The following NEGR1 variants were observed in gnomAD, a reference collection of about 807,000 sequenced individuals.
NEGR1 encodes IgLON family member 4.
Under a neutral mutation model 40.9 loss-of-function variants are expected in NEGR1, and 10 were observed. That is an observed-to-expected ratio of 0.24 (90% CI 0.15 to 0.42). The LOEUF is 0.42. Ranked by LOEUF, NEGR1 falls within the 10% of genes least tolerant of loss-of-function variation. NEGR1 has a pLI of 1.00. For synonymous variants in NEGR1, 185 were observed against 166.8 expected (o/e 1.11, Z -0.84); for missense variants, 352 against 438.9 (o/e 0.80, Z 1.77).
intron 4 of NEGR1, among the ~76,000 whole-genome samples, chr1:71,659,029 T>C (rs1428163068): frequency 3.9e-5 from 6 of 152,170 alleles, no homozygotes; most frequent in Non-Finnish European, 8.8e-5. Context: ...AAGACATCAT[T>C]GGAGGAAGCG....
intron 1 of NEGR1, among the ~76,000 whole-genome samples, chr1:71,985,935 G>T (rs1646390396): frequency 6.6e-6 from 1 of 152,156 alleles, no homozygotes; most frequent in South Asian, 2.1e-4. Flanking sequence ...TATTTGAGAA[G>T]AGGATAACTT....
chr1:71,407,798 C>G (rs1646287844), intron 6 of NEGR1: 3 of 458,586 alleles, frequency 6.5e-6, no homozygotes, highest in Non-Finnish European at 1.2e-5. Flanking sequence ...ATAATAGAAT[C>G]CACCTCACAG....
chr1:71,823,245 G>A (rs1658499757), intron 2 of NEGR1, among the ~76,000 whole-genome samples: 1 of 145,656 alleles, frequency 6.9e-6, no homozygotes. Context: ...TTTCTTCACA[G>A]GATTATGAAT....
chr1:72,279,507 A>C (rs766017280), intron 1 of NEGR1, among the ~76,000 whole-genome samples: 13 of 152,188 alleles, frequency 8.5e-5, no homozygotes, highest in Admixed American at 5.9e-4. Context: ...AGCTTGATGA[A>C]TGATATGTAA....
At chr1:71,524,070 A>G (rs1166078864) in intron 6 of NEGR1, among the ~76,000 whole-genome samples, 1 of 151,852 alleles carries the variant, frequency 6.6e-6, no homozygotes, top group African/African-American at 2.4e-5. Context: ...CCTACTTAGA[A>G]TAACCACAAG....
intron 1 of NEGR1, among the ~76,000 whole-genome samples, chr1:72,092,575 A>AT (rs1648541130): frequency 6.6e-6 from 1 of 152,084 alleles, no homozygotes; most frequent in African/African-American, 2.4e-5. Context: ...TGTTTTTCTC[A>AT]TTTTCAATCC....
At chr1:71,651,864 C>T (rs1651728752) in intron 4 of NEGR1, among the ~76,000 whole-genome samples, 1 of 152,022 alleles carries the variant, frequency 6.6e-6, no homozygotes, top group Non-Finnish European at 1.5e-5. Context: ...TTATAAGGTG[C>T]CAGTATTACT....
intron 1 of NEGR1, among the ~76,000 whole-genome samples, chr1:72,083,509 C>T (rs930108144): frequency 2.6e-5 from 4 of 152,058 alleles, no homozygotes; most frequent in Non-Finnish European, 5.9e-5. Flanking sequence ...CAGGCACATA[C>T]CACTATGCCC....
intron 1 of NEGR1, among the ~76,000 whole-genome samples, chr1:72,277,603 T>C (rs1248811838): frequency 1.3e-5 from 2 of 152,186 alleles, no homozygotes; most frequent in African/African-American, 2.4e-5. Context: ...TCAATATAGG[T>C]AACATTTAGC....
intron 1 of NEGR1, among the ~76,000 whole-genome samples, chr1:72,031,598 A>G (rs1646859288): frequency 6.6e-6 from 1 of 152,218 alleles, no homozygotes; most frequent in South Asian, 2.1e-4. Context: ...TGAGAGCATC[A>G]CAAAGCATTA....
rs377673533 is a variant in NEGR1 at position 71,718,467 on chromosome 1, C to A, written c.536-20328G>T. ...CTTTAAAGCCTGCAGAACTGTGAGT[C>A]AATTAAACCTCTTTTCTTTATAAAT... On this transcript the variant is annotated intron_variant, in intron 3 of 6. Coordinates refer to ENST00000357731, the MANE Select transcript of NEGR1 (RefSeq NM_173808.3). Among the ~76,000 whole-genome samples the A allele has an allele frequency of 2.6e-4, 40 of 152,280 alleles. 1 individual carries two copies. In the East Asian group the frequency reaches 6.2e-3, roughly 24 times the overall value.
intron 6 of NEGR1, among the ~76,000 whole-genome samples, chr1:71,435,071 A>T (rs1326318550): frequency 6.6e-6 from 1 of 151,966 alleles, no homozygotes; most frequent in Non-Finnish European, 1.5e-5. Flanking sequence ...AGCCTGGGCG[A>T]CAGAGCCAGA....
intron 2 of NEGR1, among the ~76,000 whole-genome samples, chr1:71,814,352 G>A (rs867922782): frequency 6.6e-6 from 1 of 151,980 alleles, no homozygotes; most frequent in African/African-American, 2.4e-5. Context: ...TGTTCATCAG[G>A]GATATTTGTC....
chr1:72,064,076 A>C (rs1281393405), intron 1 of NEGR1, among the ~76,000 whole-genome samples: 1 of 151,994 alleles, frequency 6.6e-6, no homozygotes, highest in Non-Finnish European at 1.5e-5. Flanking sequence ...AAAAAAGGAA[A>C]AAAAAAACTT....
At chr1:71,765,332 AC>A (rs1656083932) in intron 3 of NEGR1, among the ~76,000 whole-genome samples, 1 of 152,098 alleles carries the variant, frequency 6.6e-6, no homozygotes, top group African/African-American at 2.4e-5. Context: ...CATCTCAACA[AC>A]TTTTTGCAGG....
chr1:71,796,717 G>A (rs1278381189), intron 2 of NEGR1, among the ~76,000 whole-genome samples: 1 of 152,086 alleles, frequency 6.6e-6, no homozygotes, highest in African/African-American at 2.4e-5. Context: ...GCTCCCTTAA[G>A]GCAGGAGTCA....
At chr1:71,633,964 T>C (rs778551655) in intron 4 of NEGR1, among the ~76,000 whole-genome samples, 1 of 152,104 alleles carries the variant, frequency 6.6e-6, no homozygotes, top group African/African-American at 2.4e-5. Context: ...TTGAGACTTA[T>C]AAACAAGGAG....
intron 4 of NEGR1, among the ~76,000 whole-genome samples, chr1:71,649,822 G>T (rs1319576388): frequency 6.6e-6 from 1 of 152,120 alleles, no homozygotes; most frequent in Admixed American, 6.6e-5. Flanking sequence ...GAAGTCTGCA[G>T]CTTCATTCCT....
chr1:71,700,423 G>C (rs540506794), intron 3 of NEGR1, among the ~76,000 whole-genome samples: 16 of 151,906 alleles, frequency 1.1e-4, no homozygotes, highest in Non-Finnish European at 1.9e-4. Flanking sequence ...ATTAAAACAT[G>C]TATGTGTCAT....
Sources: gnomAD v4.1 joint callset for allele counts (sites outside exome capture counted in the v4.1 genomes callset) on GRCh38, gnomAD v4.1.1 for gene constraint, MANE v1.5 for transcripts, NCBI Gene and HGNC (gene_info 2026-07-23, HGNC 2026-07-21) for gene names.